ATXN2: variants seen among roughly 807,000 people sequenced by gnomAD.
The protein encoded by ATXN2 is ataxin 2, also known as ataxin-2.
ATXN2 carries 37 observed loss-of-function variants against 138.6 expected under a neutral mutation model. That is an observed-to-expected ratio of 0.27 (90% CI 0.21 to 0.35). The LOEUF is 0.35. ATXN2 is among the 10% of genes least tolerant of loss of function. ATXN2 has a pLI of 1.00. For missense variants in ATXN2, 1,216 were observed against 1,480.3 expected, an observed-to-expected ratio of 0.82 and a Z score of 2.93; for synonymous variants, 549 against 543.7, an observed-to-expected ratio of 1.01 and a Z score of -0.13.
In ATXN2 at chr12:111,540,579, A is replaced by C. The variant is rs7956977; in HGVS notation, c.571+11701T>G. On this transcript the variant is annotated intron_variant, in intron 5 of 24. Transcript: ENST00000673436. ...TAAACTGCATTTCTTAAATCATTAC[A>C]AGTGAGGAGGGCCACCTTTTCATAC... Among the ~76,000 whole-genome samples the C allele has an allele frequency of 2.8e-3, 424 of 150,720 alleles. 8 individuals are homozygous for C. The highest frequency in any genetic ancestry group is 9.7e-3 in the African/African-American group (402 of 41,464).
intron 5 of ATXN2, among the ~76,000 whole-genome samples, chr12:111,543,034 T>A (rs1191718903): frequency 6.6e-6 from 1 of 152,246 alleles, no homozygotes; most frequent in East Asian, 1.9e-4. Context: ...GCTTTTCTAC[T>A]GTGTACCACG....
At chr12:111,524,135 C>G (rs1374083732) in intron 6 of ATXN2, among the ~76,000 whole-genome samples, 1 of 152,124 alleles carries the variant, frequency 6.6e-6, no homozygotes, top group African/African-American at 2.4e-5. Context: ...ACGTGATGTA[C>G]AGACTTGAGA....
intron 5 of ATXN2, among the ~76,000 whole-genome samples, chr12:111,531,326 T>C (rs1880821330): frequency 6.6e-6 from 1 of 152,004 alleles, no homozygotes; most frequent in Non-Finnish European, 1.5e-5. Flanking sequence ...GGCAGGCGAA[T>C]TGCTTGAACC....
chr12:111,534,326 GGGAGGA>G (rs1881017375), intron 5 of ATXN2, among the ~76,000 whole-genome samples: 1 of 151,888 alleles, frequency 6.6e-6, no homozygotes, highest in Non-Finnish European at 1.5e-5. Flanking sequence ...ACTTGAGCCT[GGGAGGA>G]GGAGGTTGCG....
At chr12:111,478,627 A>G (rs1876995190) in intron 18 of ATXN2, among the ~76,000 whole-genome samples, 2 of 152,210 alleles carry the variant, frequency 1.3e-5, no homozygotes, top group African/African-American at 2.4e-5. Context: ...TGCAGAACAC[A>G]TGGAACCTAC....
chr12:111,544,760 A>G (rs187122948), intron 5 of ATXN2, among the ~76,000 whole-genome samples: 37 of 152,362 alleles, frequency 2.4e-4, no homozygotes, highest in Non-Finnish European at 3.8e-4. Context: ...TGAAACCAAC[A>G]TTCAAGTGCA....
At chr12:111,493,350 T>C (rs988714632) in intron 14 of ATXN2, among the ~76,000 whole-genome samples, 1 of 143,444 alleles carries the variant, frequency 7.0e-6, no homozygotes, top group African/African-American at 2.7e-5. Context: ...AACCTGGGAG[T>C]TGGAGGTTGT....
At position 111,519,882 on chromosome 12, in the gene ATXN2, G is replaced by A. The variant is rs940325920; in HGVS notation, c.983C>T (p.Thr328Ile). The A allele has an allele frequency of 6.2e-7, 1 of 1,614,090 alleles. No homozygotes were observed. The highest frequency in any genetic ancestry group is 8.5e-7 in the Non-Finnish European group (1 of 1,179,992). Reference protein sequence around the residue: ...SSEREGHSINTRENKYIPPGQ... With the variant: ...SSEREGHSINIRENKYIPPGQ... Reference sequence around the variant, plus strand: ...CATCATGATTTCCTTTAAATACCTAGTGTTTATGCTGTGCCCCTCACGTTC... The same window carrying A: ...CATCATGATTTCCTTTAAATACCTAATGTTTATGCTGTGCCCCTCACGTTC... The change falls in exon 8 of 25, where the codon ACT (threonine) becomes ATT (isoleucine). Residue 328 changes from threonine to isoleucine, a missense_variant. Coordinates refer to ENST00000673436, the MANE Select transcript of ATXN2 (RefSeq NM_001372574.1).
At chr12:111,502,055 C>A (rs1378467779) in intron 14 of ATXN2, among the ~76,000 whole-genome samples, 10 of 152,114 alleles carry the variant, frequency 6.6e-5, no homozygotes, top group Non-Finnish European at 1.5e-4. Context: ...CCACACCTGG[C>A]TAATGTGTGT....
At chr12:111,574,434 T>C (rs904124362) in intron 1 of ATXN2, among the ~76,000 whole-genome samples, 1 of 152,042 alleles carries the variant, frequency 6.6e-6, no homozygotes, top group Admixed American at 6.6e-5. Context: ...TTTTCTTTTT[T>C]TTGGCGGTGG....
intron 5 of ATXN2, among the ~76,000 whole-genome samples, chr12:111,541,296 T>C (rs1407536571): frequency 6.7e-6 from 1 of 148,960 alleles, no homozygotes; most frequent in Non-Finnish European, 1.5e-5. Flanking sequence ...AATACCCACA[T>C]AAATTCAGTT....
intron 20 of ATXN2, among the ~76,000 whole-genome samples, chr12:111,466,550 A>C (rs1049674510): frequency 2.6e-5 from 4 of 152,242 alleles, no homozygotes; most frequent in African/African-American, 9.6e-5. Context: ...GCCCTTTCTA[A>C]GATAGCTAGA....
At chr12:111,476,963 G>A (rs1174650004) in intron 18 of ATXN2, among the ~76,000 whole-genome samples, 1 of 152,140 alleles carries the variant, frequency 6.6e-6, no homozygotes, top group African/African-American at 2.4e-5. Flanking sequence ...AATAAAGAGA[G>A]AATTGGCATA....
At position 111,592,874 on chromosome 12, in the gene ATXN2, T is replaced by TA. The variant is rs111981578; in HGVS notation, c.251+5909dup. 1.5e-3 allele frequency among the ~76,000 whole-genome samples: 212 copies of TA among 140,900 alleles called. No homozygotes were observed. In the South Asian group the frequency reaches 0.019, roughly 12 times the overall value. The allele number at this position is 140,900 out of a possible 152,430, so 92.4% of individuals were successfully genotyped here. ...AGTTGTCACAATCACTTGAAATAGC[T>TA]AAAAAAAAAAATAGGGTTTTGTTCA... On this transcript the variant is annotated intron_variant, in intron 1 of 24. Transcript: ENST00000673436.
chr12:111,592,702 G>A lies in ATXN2; in HGVS notation c.251+6082C>T, dbSNP rs543548208. Among the ~76,000 whole-genome samples the A allele has an allele frequency of 4.7e-4, 68 of 144,770 alleles. 1 individual carries two copies. In the South Asian group the frequency reaches 0.015, roughly 31 times the overall value. 95.0% of individuals were successfully genotyped at this position (144,770 alleles called of 152,430 possible). A position where few individuals can be genotyped will look rare whatever the true frequency, so the allele number is the denominator to read the frequency against. On this transcript the variant is annotated intron_variant, in intron 1 of 24. Coordinates refer to ENST00000673436, the MANE Select transcript of ATXN2 (RefSeq NM_001372574.1). ...GGAGGCTGAGGCAGGAGAATCACTT[G>A]AACCCGGGAGGCAAAGGTTGCAGTA...
Position 111,545,897 on chromosome 12 carries a change from C to T in ATXN2, c.571+6383G>A, listed in dbSNP as rs114811621. ...AGAGGATCACCTGAGCCTGGGAAGT[C>T]GAGGCTGCAGTGAGCTGTGATTGCA... On this transcript the variant is annotated intron_variant, in intron 5 of 24. Coordinates refer to ENST00000673436, the MANE Select transcript of ATXN2 (RefSeq NM_001372574.1). 3.5e-3 allele frequency among the ~76,000 whole-genome samples: 523 copies of T among 147,542 alleles called. 2 individuals carry two copies. The highest frequency in any genetic ancestry group is 0.012 in the African/African-American group (494 of 39,730).
chr12:111,498,910 T>A (rs1878587620), intron 14 of ATXN2, among the ~76,000 whole-genome samples: 1 of 152,118 alleles, frequency 6.6e-6, no homozygotes, highest in South Asian at 2.1e-4. Context: ...CTAAGTGAAC[T>A]CATTTTCCAC....
At chr12:111,485,574 C>A in intron 17 of ATXN2, 139 bp downstream of exon 17, 1 of 1,101,132 alleles carries the variant, frequency 9.1e-7, no homozygotes, top group Non-Finnish European at 1.3e-6. Flanking sequence ...TAACAACACA[C>A]TGAATCTCTG....
chr12:111,486,862 C>G (rs1337699629), intron 15 of ATXN2, 38 bp from the exon 16 acceptor site: 12 of 1,534,224 alleles, frequency 7.8e-6, no homozygotes, highest in Non-Finnish European at 1.1e-5. Flanking sequence ...TCTACATGGA[C>G]TTTACGTTGC....
Sources: allele counts gnomAD v4.1 joint callset (sites outside exome capture counted in the v4.1 genomes callset), GRCh38; gene constraint gnomAD v4.1.1; transcripts MANE v1.5; gene names NCBI Gene and HGNC (gene_info 2026-07-23, HGNC 2026-07-21).